The following SYT17 variants were observed in gnomAD, a reference collection of about 807,000 sequenced individuals.
SYT17 encodes the protein synaptotagmin-17.
In SYT17, 22 loss-of-function variants were observed where a neutral mutation model predicts 46.7. That is an observed-to-expected ratio of 0.47 (90% CI 0.34 to 0.67). The LOEUF is 0.67. Ranked by LOEUF, SYT17 falls within the 30% of genes least tolerant of loss-of-function variation. SYT17 has a pLI of 0.01. For synonymous variants in SYT17, 251 were observed against 248.4 expected (o/e 1.01, Z -0.10); for missense variants, 519 against 612.8 (o/e 0.85, Z 1.62).
Position 19,168,558 on chromosome 16 carries a change from C to A in SYT17, c.-89C>A, listed in dbSNP as rs918516899. ...CGGCTGCCTTTTTCTTCCTTTCCCC[C>A]TTTGCTTTCTTCCCCCTCCGCTGTT... On this transcript the variant is annotated 5_prime_UTR_variant, in exon 1 of 8. Coordinates refer to ENST00000355377, the MANE Select transcript of SYT17 (RefSeq NM_016524.4). The surrounding 1 kb of genome is among the most constrained non-coding windows in gnomAD (Gnocchi z 6.9). 6.5e-7 allele frequency: 1 copy of A among 1,532,266 alleles called. No individual in the cohort carries two copies. Among genetic ancestry groups the A allele is most frequent in the East Asian group, 2.6e-5 (1 of 39,092 alleles). The allele number at this position is 1,532,266 out of a possible 1,614,324, so 94.9% of individuals were successfully genotyped here. A position where few individuals can be genotyped will look rare whatever the true frequency, so the allele number is the denominator to read the frequency against.
At chr16:19,252,174 CAAAA>C (rs143457141) in intron 7 of SYT17, among the ~76,000 whole-genome samples, 14,911 of 150,564 alleles carry the variant, frequency 0.099, 1,602 homozygotes, top group East Asian at 0.35. Context: ...CAAAACAAAA[CAAAA>C]AAACCATGTT....
At chr16:19,215,753 A>C (rs1044983736) in intron 5 of SYT17, among the ~76,000 whole-genome samples, 2 of 152,168 alleles carry the variant, frequency 1.3e-5, no homozygotes, top group Admixed American at 6.5e-5. Flanking sequence ...TGGCCCTTGT[A>C]TTAGTCTGTT....
In SYT17 at chr16:19,223,116, T is replaced by C. The variant is rs749996765; in HGVS notation, c.1023T>C (p.Asp341=). ...YLPSAGRLNV[D]VIRAKQLLQT... ...CAAGTGCTGGCAGACTGAATGTTGA[T>C]GTCATTCGAGCCAAGCAACTTCTTC... Residue 341 remains aspartate (D), a synonymous_variant, in exon 6 of 8, where the codon GAT becomes GAC. Transcript: ENST00000355377. The C allele has an allele frequency of 1.9e-6, 3 of 1,614,026 alleles. No homozygotes were observed. Among genetic ancestry groups the C allele is most frequent in the East Asian group, 2.2e-5 (1 of 44,886 alleles).
At chr16:19,224,861 A>G in intron 7 of SYT17, 23 bp downstream of exon 7, 1 of 1,612,922 alleles carries the variant, frequency 6.2e-7, no homozygotes, top group Non-Finnish European at 8.5e-7. Flanking sequence ...CCAAAACCCG[A>G]TGAACTCCAG....
chr16:19,215,005 C>A (rs1343293933), intron 5 of SYT17, among the ~76,000 whole-genome samples: 1 of 152,060 alleles, frequency 6.6e-6, no homozygotes, highest in African/African-American at 2.4e-5. Flanking sequence ...CCAGACTGAT[C>A]TCGAACTCCC....
chr16:19,192,408 G>A (rs1391367223), intron 5 of SYT17, among the ~76,000 whole-genome samples: 1 of 151,746 alleles, frequency 6.6e-6, no homozygotes, highest in African/African-American at 2.4e-5. Context: ...ACAGCAGAGC[G>A]AGACCCTGTC....
intron 5 of SYT17, among the ~76,000 whole-genome samples, chr16:19,206,568 G>A (rs1241392959): frequency 6.6e-6 from 1 of 152,146 alleles, no homozygotes; most frequent in African/African-American, 2.4e-5. Context: ...AACTCTGGAG[G>A]CTTATAGTCC....
At chr16:19,247,787 G>T (rs1239877004) in intron 7 of SYT17, among the ~76,000 whole-genome samples, 2 of 151,916 alleles carry the variant, frequency 1.3e-5, no homozygotes, top group African/African-American at 4.8e-5. Context: ...TTTATAGTTG[G>T]CATAGACAAA....
intron 7 of SYT17, among the ~76,000 whole-genome samples, chr16:19,262,454 A>G (rs1969048227): frequency 6.6e-6 from 1 of 152,216 alleles, no homozygotes; most frequent in South Asian, 2.1e-4. Context: ...TGTTGTTTAT[A>G]AGCCTCCCTG....
chr16:19,253,936 C>G (rs1019918597), intron 7 of SYT17, among the ~76,000 whole-genome samples: 1 of 152,142 alleles, frequency 6.6e-6, no homozygotes, highest in African/African-American at 2.4e-5. Context: ...ACCATGTTGA[C>G]CAGGCTGGTC....
intron 5 of SYT17, among the ~76,000 whole-genome samples, chr16:19,220,547 C>G (rs887976799): frequency 6.6e-6 from 1 of 152,058 alleles, no homozygotes; most frequent in Non-Finnish European, 1.5e-5. Context: ...GATCCACCCA[C>G]GTTGGCCTCC....
At chr16:19,170,768 C>T (rs1422573210) in intron 1 of SYT17, 1 of 152,162 alleles carries the variant, frequency 6.6e-6, no homozygotes, top group African/African-American at 2.4e-5. Context: ...AAAAGTATCA[C>T]TTTATCCTAA....
intron 5 of SYT17, among the ~76,000 whole-genome samples, chr16:19,216,380 C>CTTTTTT (rs5816039): frequency 7.1e-6 from 1 of 141,556 alleles, no homozygotes; most frequent in African/African-American, 2.6e-5. Context: ...ACAATTATTT[C>CTTTTTT]TTTTTTTTTT....
At chr16:19,200,320 A>G (rs1488878791) in intron 5 of SYT17, among the ~76,000 whole-genome samples, 3 of 152,266 alleles carry the variant, frequency 2.0e-5, no homozygotes, top group African/African-American at 7.2e-5. Context: ...ACTAAAAAGA[A>G]ATAGGTGAAA....
intron 5 of SYT17, among the ~76,000 whole-genome samples, chr16:19,193,302 T>C (rs1038328566): frequency 2.0e-5 from 3 of 152,224 alleles, no homozygotes; most frequent in Non-Finnish European, 4.4e-5. Context: ...TTCTAAGTCA[T>C]GTCAGGATGC....
chr16:19,234,128 C>T (rs1024230888), intron 7 of SYT17, among the ~76,000 whole-genome samples: 6 of 152,112 alleles, frequency 3.9e-5, no homozygotes, highest in African/African-American at 1.2e-4. Context: ...GAGTTCAAGA[C>T]CAGCTTGGGC....
chr16:19,178,862 T>A (rs958560371), intron 3 of SYT17, among the ~76,000 whole-genome samples: 1 of 152,060 alleles, frequency 6.6e-6, no homozygotes, highest in African/African-American at 2.4e-5. Flanking sequence ...CCTAGCTTTA[T>A]GAGTATTGGG....
intron 7 of SYT17, among the ~76,000 whole-genome samples, chr16:19,250,674 C>G (rs1967994233): frequency 6.6e-6 from 1 of 152,150 alleles, no homozygotes; most frequent in Admixed American, 6.5e-5. Context: ...CTCAGCCTCC[C>G]ACAGTGCTGG....
intron 7 of SYT17, among the ~76,000 whole-genome samples, chr16:19,263,164 C>A (rs1419070025): frequency 6.6e-6 from 1 of 151,900 alleles, no homozygotes; most frequent in African/African-American, 2.4e-5. Context: ...ATTGTGCAAC[C>A]AACACCACTA....
Sources: allele counts gnomAD v4.1 joint callset (sites outside exome capture counted in the v4.1 genomes callset), GRCh38; gene constraint gnomAD v4.1.1; non-coding constraint Gnocchi (gnomAD v3.1); transcripts MANE v1.5; gene names NCBI Gene and HGNC (gene_info 2026-07-23, HGNC 2026-07-21).